The following KRT25 variants were observed in gnomAD, a reference collection of about 807,000 sequenced individuals.
KRT25 encodes the protein keratin 25.
A neutral mutation model predicts 47.6 loss-of-function variants in KRT25; 37 were observed. The ratio of observed to expected loss-of-function variants is 0.78; its 90% confidence interval spans 0.60 to 1.02. The LOEUF (loss-of-function observed/expected upper bound fraction) is 1.02, where lower values mean the gene tolerates loss of function less well. Among genes scored for constraint, KRT25 ranks in the 50% least tolerant of loss-of-function variants. The pLI is 0.00. For missense variants in KRT25, 542 were observed against 550.3 expected (o/e 0.98, Z 0.15); for synonymous variants, 203 against 210.2 (o/e 0.97, Z 0.30).
Position 40,748,227 on chromosome 17 carries a change from C to A in KRT25, c.*50G>T, listed in dbSNP as rs369738201. 3 of 1,203,578 alleles carry A rather than the reference C, an allele frequency of 2.5e-6. No homozygotes were observed. The highest frequency in any genetic ancestry group is 3.6e-6 in the Non-Finnish European group (3 of 832,674). The allele number at this position is 1,203,578 out of a possible 1,614,324, so 74.6% of individuals were successfully genotyped here. On this transcript the variant is annotated 3_prime_UTR_variant, in exon 8 of 8. Transcript: ENST00000312150. ...CATTTTTCTGGACAGATACATAATG[C>A]CTTTTCTTCGCAGGGGCTATGTGGC...
rs1336145031 is a variant in KRT25 at position 40,754,851 on chromosome 17, T to G, written c.421A>C (p.Lys141Gln). Residue 141 changes from lysine (K) to glutamine (Q), a missense_variant, in exon 1 of 8, where the codon AAA (lysine) becomes CAA (glutamine). Lys to Gln is a moderately conservative substitution (Grantham distance 53, BLOSUM62 1). Transcript: ENST00000312150. ...GCAGTATGATTTCTTACCTGATTTTTAAGGTCATCAATTATTGGGAAATAT... is the reference window on the plus strand; with the variant it reads ...GCAGTATGATTTCTTACCTGATTTTGAAGGTCATCAATTATTGGGAAATAT... ...SRYFPIIDDL[K>Q]NQIIASTTSN... 6.2e-7 allele frequency: 1 copy of G among 1,610,020 alleles called. No homozygotes were observed. Among genetic ancestry groups the G allele is most frequent in the South Asian group, 1.1e-5 (1 of 90,530 alleles).
intron 2 of KRT25, 95 bp from the exon 3 acceptor site, chr17:40,754,111 T>C: frequency 7.8e-7 from 1 of 1,284,990 alleles, no homozygotes; most frequent in Non-Finnish European, 1.1e-6. Flanking sequence ...TCTGGAATTT[T>C]GAAGATTTGG....
rs2038084557 is a variant in KRT25 at position 40,754,386 on chromosome 17, T to C, written c.512A>G (p.Lys171Arg). The C allele has an allele frequency of 1.2e-6, 2 of 1,612,172 alleles. No individual in the cohort carries two copies. Residue 171 changes from lysine to arginine, a missense_variant and splice_region_variant, in exon 2 of 8, where the codon AAG becomes AGG. Transcript: ENST00000312150. ...ARLTADDFRL[K>R]YENELALHQS... ...CATTTCACTCTGGCAGTCTACTTACTTGAGTCTGAAATCATCAGCTGTAAG... is the reference window on the plus strand; with the variant it reads ...CATTTCACTCTGGCAGTCTACTTACCTGAGTCTGAAATCATCAGCTGTAAG...
At chr17:40,755,404 G>A, upstream of KRT25, 7 of 796,780 alleles carry the variant, frequency 8.8e-6, no homozygotes, top group Non-Finnish European at 1.4e-5. Context: ...TGCCTACACA[G>A]AGTAAAACAT....
At position 40,754,843 on chromosome 17, in the gene KRT25, CTGATTT is replaced by C; in HGVS notation, c.423_428del (p.Asn142_Gln143del). The C allele has an allele frequency of 6.2e-7, 1 of 1,605,022 alleles. No individual in the cohort carries two copies. Among genetic ancestry groups the C allele is most frequent in the Non-Finnish European group, 8.5e-7 (1 of 1,175,050 alleles). ...ATGATTGTGCAGTATGATTTCTTAC[CTGATTT>C]TTAAGGTCATCAATTATTGGGAAAT... On this transcript the variant is annotated inframe_deletion and splice_region_variant, in exon 1 of 8. Transcript: ENST00000312150.
Position 40,753,903 on chromosome 17 carries a change from G to A in KRT25, c.626C>T (p.Thr209Ile), listed in dbSNP as rs765130547. 1.9e-6 allele frequency: 3 copies of A among 1,613,918 alleles called. No homozygotes were observed. In the South Asian group the frequency reaches 3.3e-5, roughly 18 times the overall value. The change falls in exon 3 of 8, where the codon ACC (threonine) becomes ATC (isoleucine). Residue 209 changes from threonine (T) to isoleucine (I), a missense_variant. Thr to Ile is a moderately conservative substitution (Grantham distance 89). Coordinates refer to ENST00000312150, the MANE Select transcript of KRT25 (RefSeq NM_181534.4). ...GAGGTAAGTCATCTCCTCACTCAGG[G>A]TTTCATACTGAATCTCCAGATCTGT... ...CRTDLEIQYE[T>I]LSEEMTYLKK... is the part of the protein sequence containing the mutation.
chr17:40,748,270 T>C lies in KRT25; in HGVS notation c.*7A>G. ...TATGTGGCATACGTTCTCTGTTGCA[T>C]CTCAAATTAATTGCTTTGAGATTTC... On this transcript the variant is annotated 3_prime_UTR_variant, in exon 8 of 8. Coordinates refer to ENST00000312150, the MANE Select transcript of KRT25 (RefSeq NM_181534.4). The C allele has an allele frequency of 6.3e-7, 1 of 1,588,092 alleles. No individual in the cohort carries two copies. Among genetic ancestry groups the C allele is most frequent in the South Asian group, 1.1e-5 (1 of 89,714 alleles).
chr17:40,751,883 C>CGTGT (rs71152701), intron 3 of KRT25, among the ~76,000 whole-genome samples: 16,895 of 148,788 alleles, frequency 0.11, 1,139 homozygotes, highest in Admixed American at 0.23. Flanking sequence ...TGTGTGCGTG[C>CGTGT]GTGTGTGTGT....
At chr17:40,753,118 T>C (rs183471792) in intron 3 of KRT25, among the ~76,000 whole-genome samples, 6 of 152,338 alleles carry the variant, frequency 3.9e-5, no homozygotes, top group Admixed American at 3.3e-4. Flanking sequence ...TTAATGTGTG[T>C]ATGAAGTAAA....
rs1177895379 is a variant in KRT25 at position 40,750,403 on chromosome 17, A to G, written c.1152T>C (p.Cys384=). Residue 384 remains cysteine, a synonymous_variant, in exon 6 of 8, where the codon TGT becomes TGC. Transcript: ENST00000312150. ...LHLEKEIETY[C]LLIGGDDGAC... ...ACCCATCATCTCCTCCTATAAGGAG[A>G]CAGTAGGTCTCAATTTCTTTTTCCA... 6.2e-7 allele frequency: 1 copy of G among 1,613,894 alleles called. No homozygotes were observed. Among genetic ancestry groups the G allele is most frequent in the Non-Finnish European group, 8.5e-7 (1 of 1,179,838 alleles).
At chr17:40,754,812 A>C in intron 1 of KRT25, 31 bp downstream of exon 1, 1 of 1,522,972 alleles carries the variant, frequency 6.6e-7, no homozygotes, top group Non-Finnish European at 8.9e-7. Flanking sequence ...ATAAAGGTAC[A>C]TGAAAATGAT....
Position 40,755,248 on chromosome 17 carries a change from T to G in KRT25, c.24A>C (p.Ala8=). Reference sequence around the variant, plus strand: ...TGGGACGAGGACAGGACCTCCTGGATGCACTGGAAAGTCGAAGAGACATGG... The same window carrying G: ...TGGGACGAGGACAGGACCTCCTGGAGGCACTGGAAAGTCGAAGAGACATGG... MSLRLSS[A]SRRSCPRPTT... Residue 8 remains alanine (A), a synonymous_variant, in exon 1 of 8, where the codon GCA becomes GCC. Coordinates refer to ENST00000312150, the MANE Select transcript of KRT25 (RefSeq NM_181534.4). 1 of 1,613,792 alleles carries G rather than the reference T, an allele frequency of 6.2e-7. No individual in the cohort carries two copies. Among genetic ancestry groups the G allele is most frequent in the Non-Finnish European group, 8.5e-7 (1 of 1,179,930 alleles).
At chr17:40,749,738 G>T (rs2144122732) in intron 6 of KRT25, among the ~76,000 whole-genome samples, 1 of 152,302 alleles carries the variant, frequency 6.6e-6, no homozygotes, top group South Asian at 2.1e-4. Flanking sequence ...GATAGGTGGG[G>T]AAGAGTGGTG....
intron 1 of KRT25, 53 bp from the exon 2 acceptor site, chr17:40,754,521 A>G: frequency 7.0e-7 from 1 of 1,432,520 alleles, no homozygotes; most frequent in African/African-American, 1.4e-5. Flanking sequence ...GAATCTACTT[A>G]ATGCTTATTT....
intron 3 of KRT25, among the ~76,000 whole-genome samples, chr17:40,753,396 C>T (rs1388989242): frequency 2.6e-5 from 4 of 151,450 alleles, no homozygotes; most frequent in Non-Finnish European, 2.9e-5. Context: ...AAGAATCTGA[C>T]ACTTAAAAAG....
intron 3 of KRT25, among the ~76,000 whole-genome samples, chr17:40,752,255 T>G (rs1363384064): frequency 1.3e-5 from 2 of 152,222 alleles, no homozygotes; most frequent in African/African-American, 2.4e-5. Context: ...GAATTTATTT[T>G]GCAGTCAAAG....
At chr17:40,749,940 G>A (rs888507465) in intron 6 of KRT25, among the ~76,000 whole-genome samples, 1 of 152,066 alleles carries the variant, frequency 6.6e-6, no homozygotes, top group East Asian at 1.9e-4. Flanking sequence ...GAACTTTCTG[G>A]GGTGATGAAA....
At position 40,748,112 on chromosome 17, in the gene KRT25, C is replaced by T. The variant is rs538968750; in HGVS notation, c.*165G>A. ...ATGAGTCATATTTGTGTGTGGCATT[C>T]TTCTAGATGAATGGGGAGATGCTGT... On this transcript the variant is annotated 3_prime_UTR_variant, in exon 8 of 8. Transcript: ENST00000312150. 180 of 506,564 alleles carry T rather than the reference C, an allele frequency of 3.6e-4. No individual in the cohort carries two copies. The highest frequency in any genetic ancestry group is 5.9e-4 in the Non-Finnish European group (170 of 288,770). 31.4% of individuals were successfully genotyped at this position (506,564 alleles called of 1,614,324 possible).
At chr17:40,748,440 T>C in intron 7 of KRT25, 54 bp from the exon 8 acceptor site, 1 of 1,141,612 alleles carries the variant, frequency 8.8e-7, no homozygotes. Flanking sequence ...AGAATAAAAA[T>C]TATATCATTT....
Sources: allele counts gnomAD v4.1 joint callset (sites outside exome capture counted in the v4.1 genomes callset), GRCh38; gene constraint gnomAD v4.1.1; transcripts MANE v1.5; gene names NCBI Gene and HGNC (gene_info 2026-07-23, HGNC 2026-07-21).